ST3GAL2: variants seen among roughly 807,000 people sequenced by gnomAD.
The protein encoded by ST3GAL2 is CMP-N-acetylneuraminate-beta-galactosamide-alpha-2,3-sialyltransferase 2.
In ST3GAL2, 16 loss-of-function variants were observed where a neutral mutation model predicts 37.5. The ratio of observed to expected loss-of-function variants is 0.43; its 90% CI spans 0.29 to 0.65. The LOEUF (loss-of-function observed/expected upper bound fraction) is 0.65. Among genes scored for constraint, ST3GAL2 ranks in the 30% least tolerant of loss-of-function variants. ST3GAL2 has a pLI of 0.17. For missense variants in ST3GAL2, 383 were observed against 487.8 expected (o/e 0.79, Z 2.02); for synonymous variants, 238 against 202.9 (o/e 1.17, Z -1.47).
intron 1 of ST3GAL2, among the ~76,000 whole-genome samples, chr16:70,422,620 T>C (rs527612503): frequency 6.6e-6 from 1 of 152,052 alleles, no homozygotes; most frequent in African/African-American, 2.4e-5. Flanking sequence ...TGGTGAGCAT[T>C]GCCCCAAAGC....
In ST3GAL2 at chr16:70,398,540, A is replaced by C; in HGVS notation, c.-10T>G. 1 of 1,583,182 alleles carries C rather than the reference A, an allele frequency of 6.3e-7. No individual in the cohort carries two copies. Among genetic ancestry groups the C allele is most frequent in the Non-Finnish European group, 8.6e-7 (1 of 1,165,802 alleles). The stretch of plus-strand genomic sequence containing the variant: ...GCAGGGAGCACTTCATGGTGCCGGC[A>C]GGCGGGTGACGGTCACCGTGGCCAC... On this transcript the variant is annotated 5_prime_UTR_variant, in exon 2 of 7. Coordinates refer to ENST00000342907, the MANE Select transcript of ST3GAL2 (RefSeq NM_006927.4).
chr16:70,397,038 T>C (rs2047521293), intron 2 of ST3GAL2, among the ~76,000 whole-genome samples: 1 of 46,380 alleles, frequency 2.2e-5, no homozygotes, highest in South Asian at 8.5e-4. Context: ...GGCTTTCTTT[T>C]CTTTCTTTTT....
At chr16:70,413,503 G>A (rs1453523579) in intron 1 of ST3GAL2, among the ~76,000 whole-genome samples, 2 of 145,434 alleles carry the variant, frequency 1.4e-5, no homozygotes, top group Non-Finnish European at 3.0e-5. Context: ...ATCACCTGAG[G>A]TCAGGAGTTC....
intron 1 of ST3GAL2, among the ~76,000 whole-genome samples, chr16:70,431,547 T>A (rs2047789899): frequency 1.3e-5 from 2 of 152,126 alleles, no homozygotes; most frequent in Non-Finnish European, 2.9e-5. Context: ...ACCAGAACTA[T>A]GTGTGTTGTG....
chr16:70,403,508 C>G (rs1342867195), intron 1 of ST3GAL2, among the ~76,000 whole-genome samples: 1 of 152,000 alleles, frequency 6.6e-6, no homozygotes, highest in Non-Finnish European at 1.5e-5. Context: ...ACAGCAAGAC[C>G]CCATCTCCAC....
At chr16:70,390,869 TTC>T (rs2047477688) in intron 3 of ST3GAL2, among the ~76,000 whole-genome samples, 1 of 152,222 alleles carries the variant, frequency 6.6e-6, no homozygotes, top group Non-Finnish European at 1.5e-5. Context: ...GTCTTTTTTT[TTC>T]TGTTATGACT....
At chr16:70,432,492 A>G (rs2047798075) in intron 1 of ST3GAL2, among the ~76,000 whole-genome samples, 1 of 152,074 alleles carries the variant, frequency 6.6e-6, no homozygotes, top group Non-Finnish European at 1.5e-5. Context: ...AAGGTCCACA[A>G]CGGCAACATG....
chr16:70,410,148 A>C (rs2047626460), intron 1 of ST3GAL2, among the ~76,000 whole-genome samples: 1 of 141,370 alleles, frequency 7.1e-6, no homozygotes, highest in Admixed American at 7.1e-5. Flanking sequence ...ACTTGGAGTT[A>C]TGTTACTATC....
At position 70,417,826 on chromosome 16, in the gene ST3GAL2, G is replaced by A. The variant is rs567856727; in HGVS notation, c.-1003-18293C>T. ...GCATGGCGTGGCTGGGGGGGCGGGGGGAATGTTAGAAGTTCATCTCCCAAC... is the reference window on the plus strand; with the variant it reads ...GCATGGCGTGGCTGGGGGGGCGGGGAGAATGTTAGAAGTTCATCTCCCAAC... On this transcript the variant is annotated intron_variant, in intron 1 of 6. Transcript: ENST00000342907. Among the ~76,000 whole-genome samples the A allele has an allele frequency of 1.2e-4, 19 of 152,110 alleles. No individual in the cohort carries two copies. In the South Asian group the frequency reaches 3.9e-3, roughly 32 times the overall value.
In ST3GAL2 at chr16:70,381,440, TGGA is replaced by T. The variant is rs898255366; in HGVS notation, c.*246_*248del. ...TGGCCCGCCCCCGAAGGCCATTGAT[TGGA>T]GGAGACTGGACACAGCGCCGGAAGT... On this transcript the variant is annotated 3_prime_UTR_variant, in exon 7 of 7. Coordinates refer to ENST00000342907, the MANE Select transcript of ST3GAL2 (RefSeq NM_006927.4). The T allele has an allele frequency of 5.9e-6, 3 of 507,700 alleles. No homozygotes were observed. The highest frequency in any genetic ancestry group is 5.4e-4 in the Middle Eastern group (1 of 1,840). The allele number at this position is 507,700 out of a possible 1,614,324, so 31.4% of individuals were successfully genotyped here. A position where few individuals can be genotyped will look rare whatever the true frequency, so the allele number is the denominator to read the frequency against.
chr16:70,395,275 T>C, intron 2 of ST3GAL2, 100 bp from the exon 3 acceptor site: 7 of 1,110,814 alleles, frequency 6.3e-6, no homozygotes, highest in Non-Finnish European at 6.4e-6. Flanking sequence ...ATCCTGTGTC[T>C]GGGCACAGGC....
intron 1 of ST3GAL2, among the ~76,000 whole-genome samples, chr16:70,424,841 C>T (rs1241861152): frequency 1.3e-5 from 2 of 152,122 alleles, no homozygotes; most frequent in South Asian, 2.1e-4. Flanking sequence ...GGTGCCTGCT[C>T]GTGGCACAGG....
Position 70,379,712 on chromosome 16 carries a change from C to G in ST3GAL2, c.*1977G>C, listed in dbSNP as rs1424687436. The G allele has an allele frequency of 2.6e-5, 4 of 152,240 alleles. No homozygotes were observed. The highest frequency in any genetic ancestry group is 9.7e-5 in the African/African-American group (4 of 41,444). 9.4% of individuals were successfully genotyped at this position (152,240 alleles called of 1,614,324 possible). On this transcript the variant is annotated 3_prime_UTR_variant, in exon 7 of 7. Transcript: ENST00000342907. ...TCTCGGCTCACTGCAACCTTCGCCTCCTCGGTTCAAGGGATTCTCCTGCCT... is the reference window on the plus strand; with the variant it reads ...TCTCGGCTCACTGCAACCTTCGCCTGCTCGGTTCAAGGGATTCTCCTGCCT...
intron 1 of ST3GAL2, among the ~76,000 whole-genome samples, chr16:70,421,237 G>A (rs558339436): frequency 8.5e-5 from 13 of 152,226 alleles, no homozygotes; most frequent in Non-Finnish European, 1.6e-4. Flanking sequence ...CTCAGGCAGG[G>A]CCCCTGGTTG....
In ST3GAL2 at chr16:70,379,483, C is replaced by G. The variant is rs944639142; in HGVS notation, c.*2206G>C. The G allele has an allele frequency of 1.3e-5, 2 of 152,178 alleles. No individual in the cohort carries two copies. Among genetic ancestry groups the G allele is most frequent in the African/African-American group, 4.8e-5 (2 of 41,416 alleles). The allele number at this position is 152,178 out of a possible 1,614,324, so 9.4% of individuals were successfully genotyped here. ...CCAGACCCGCCTTCTTCCATCATGC[C>G]CATTTCAGAACAATGAAGGACTAGA... On this transcript the variant is annotated 3_prime_UTR_variant, in exon 7 of 7. Coordinates refer to ENST00000342907, the MANE Select transcript of ST3GAL2 (RefSeq NM_006927.4).
intron 1 of ST3GAL2, among the ~76,000 whole-genome samples, chr16:70,433,906 T>C (rs1220478754): frequency 6.6e-6 from 1 of 152,228 alleles, no homozygotes; most frequent in Non-Finnish European, 1.5e-5. Context: ...ATAGCCTTTC[T>C]TTGTACCTGT....
At chr16:70,406,774 C>T (rs942449925) in intron 1 of ST3GAL2, among the ~76,000 whole-genome samples, 2 of 146,172 alleles carry the variant, frequency 1.4e-5, no homozygotes, top group Non-Finnish European at 1.5e-5. Context: ...GAGTGAGACT[C>T]TGTCTCAAAA....
At chr16:70,413,358 T>C (rs1272603678) in intron 1 of ST3GAL2, among the ~76,000 whole-genome samples, 6 of 151,044 alleles carry the variant, frequency 4.0e-5, no homozygotes, top group Non-Finnish European at 5.9e-5. Context: ...CAAGGCTGCA[T>C]TGAGCCATGA....
chr16:70,383,304 A>C (rs1287893918), intron 4 of ST3GAL2, 69 bp from the exon 5 acceptor site: 18 of 1,471,082 alleles, frequency 1.2e-5, no homozygotes, highest in Non-Finnish European at 1.6e-5. Context: ...TAATCCCAGC[A>C]CTTTGGGAGG....
Sources: allele counts gnomAD v4.1 joint callset (sites outside exome capture counted in the v4.1 genomes callset), GRCh38; gene constraint gnomAD v4.1.1; transcripts MANE v1.5; gene names NCBI Gene and HGNC (gene_info 2026-07-23, HGNC 2026-07-21).